Variants in PSMA3 observed in about 807,000 individuals in gnomAD.
PSMA3 encodes proteasome 20S subunit alpha 3, also known as proteasome subunit alpha type-3.
Under a neutral mutation model 40.0 loss-of-function variants are expected in PSMA3, and 8 were observed. The ratio of observed to expected loss-of-function variants is 0.20; its 90% confidence interval spans 0.12 to 0.36. The LOEUF (loss-of-function observed/expected upper bound fraction) is 0.36, where lower values mean the gene tolerates loss of function less well. PSMA3 is among the 10% of genes least tolerant of loss of function. The probability of loss-of-function intolerance (pLI) is 1.00; values close to 1 mark genes in which losing one functional copy is unlikely to be tolerated. For synonymous variants in PSMA3, 110 were observed against 100.0 expected, an observed-to-expected ratio of 1.10 and a Z score of -0.59; for missense variants, 219 against 310.6, an observed-to-expected ratio of 0.70 and a Z score of 2.22.
chr14:58,259,462 C>T (rs1890221025), intron 5 of PSMA3, among the ~76,000 whole-genome samples: 1 of 152,084 alleles, frequency 6.6e-6, no homozygotes. Flanking sequence ...TTACAAGCAC[C>T]TGCCACCACG....
intron 1 of PSMA3, among the ~76,000 whole-genome samples, chr14:58,247,424 G>A (rs577565455): frequency 2.0e-5 from 3 of 152,264 alleles, no homozygotes; most frequent in East Asian, 3.9e-4. Flanking sequence ...CAGAGTTATC[G>A]TTACAAATTT....
intron 5 of PSMA3, among the ~76,000 whole-genome samples, chr14:58,259,716 GACA>G (rs1213411118): frequency 6.6e-6 from 1 of 152,200 alleles, no homozygotes; most frequent in Non-Finnish European, 1.5e-5. Context: ...ATGATAAAGG[GACA>G]ACAATTAGGG....
intron 10 of PSMA3, 29 bp from the exon 11 acceptor site, chr14:58,271,822 A>T: frequency 6.4e-7 from 1 of 1,564,090 alleles, no homozygotes; most frequent in Non-Finnish European, 8.8e-7. Flanking sequence ...TTTAAAAATC[A>T]ATTTTAAACA....
intron 3 of PSMA3, among the ~76,000 whole-genome samples, chr14:58,256,615 T>C (rs991992941): frequency 1.3e-5 from 2 of 151,446 alleles, no homozygotes; most frequent in Non-Finnish European, 2.9e-5. Flanking sequence ...CATTTCACCA[T>C]CTTGGCCAGG....
intron 5 of PSMA3, among the ~76,000 whole-genome samples, chr14:58,259,507 G>A (rs1219441469): frequency 1.3e-5 from 2 of 152,078 alleles, no homozygotes; most frequent in African/African-American, 2.4e-5. Flanking sequence ...TACAGTCAGG[G>A]TTTCGCCATG....
At chr14:58,247,878 A>T in intron 2 of PSMA3, 46 bp downstream of exon 2, 1 of 1,372,708 alleles carries the variant, frequency 7.3e-7, no homozygotes, top group East Asian at 2.3e-5. Context: ...TTTATTTTAT[A>T]TATTTTTGGC....
At chr14:58,263,406 A>G (rs999794805) in intron 6 of PSMA3, 2 of 200,808 alleles carry the variant, frequency 1.0e-5, no homozygotes, top group African/African-American at 4.6e-5. Context: ...TTTCATTGTC[A>G]TAGTGCTAAA....
rs1235150227 is a variant in PSMA3, at chr14:58,244,878, C to T, written c.-43C>T. On this transcript the variant is annotated 5_prime_UTR_variant, in exon 1 of 11. Coordinates refer to ENST00000216455, the MANE Select transcript of PSMA3 (RefSeq NM_002788.4). Reference sequence around the variant, plus strand: ...GGCATCCTGTGGTATAGGGGAAGCGCTCCGGGCCTGGAATCCCTACGCGTC... The same window carrying T: ...GGCATCCTGTGGTATAGGGGAAGCGTTCCGGGCCTGGAATCCCTACGCGTC... 3 of 1,614,070 alleles carry T rather than the reference C, an allele frequency of 1.9e-6. No individual in the cohort carries two copies. The African/African-American group carries it at 4.0e-5, about 22-fold the overall frequency.
chr14:58,256,807 G>C lies in PSMA3; in HGVS notation c.229-938G>C, dbSNP rs754413444. On this transcript the variant is annotated intron_variant, in intron 3 of 10. Transcript: ENST00000216455. ...TTTTTGGATTAGATATCCTCAACCTGTAATAACTTTAGAGAAAAGAACAAA... is the reference window on the plus strand; with the variant it reads ...TTTTTGGATTAGATATCCTCAACCTCTAATAACTTTAGAGAAAAGAACAAA... 1.1e-4 allele frequency among the ~76,000 whole-genome samples: 16 copies of C among 152,102 alleles called. No individual in the cohort carries two copies. The South Asian group carries it at 1.2e-3, about 12-fold the overall frequency.
At chr14:58,265,379 T>A (rs1417847917) in intron 7 of PSMA3, 1 of 152,038 alleles carries the variant, frequency 6.6e-6, no homozygotes, top group East Asian at 1.9e-4. Context: ...GAAAAAAAAA[T>A]CACTTTAATT....
chr14:58,256,136 G>A (rs1160800389), intron 3 of PSMA3, among the ~76,000 whole-genome samples: 3 of 151,782 alleles, frequency 2.0e-5, no homozygotes, highest in Non-Finnish European at 4.4e-5. Context: ...TCACAGGCAT[G>A]AGCCACCGTG....
intron 3 of PSMA3, among the ~76,000 whole-genome samples, chr14:58,255,810 A>C (rs990861802): frequency 6.6e-5 from 10 of 152,220 alleles, no homozygotes; most frequent in African/African-American, 2.4e-4. Flanking sequence ...ATTTCACTGC[A>C]GTGCCTGAGG....
chr14:58,266,024 G>A (rs1055095146), intron 7 of PSMA3: 2 of 152,102 alleles, frequency 1.3e-5, no homozygotes, highest in Non-Finnish European at 2.9e-5. Context: ...TAATCAAACT[G>A]CCTAAGCAGT....
chr14:58,247,865 C>A (rs748589141), intron 2 of PSMA3, 33 bp downstream of exon 2: 2 of 1,428,038 alleles, frequency 1.4e-6, no homozygotes, highest in Non-Finnish European at 1.9e-6. Context: ...TTACATGTCT[C>A]CTTTTATTTT....
chr14:58,245,028 C>T lies in PSMA3; in HGVS notation c.21+87C>T. ...GACAGACCACATGGGGTTCGCGGAC[C>T]CGGGGTGCTCTGAGACCGCCTTCGG... On this transcript the variant is annotated intron_variant, in intron 1 of 10. Transcript: ENST00000216455. 2.5e-6 allele frequency: 4 copies of T among 1,581,636 alleles called. No homozygotes were observed. In the South Asian group the frequency reaches 4.4e-5, roughly 17 times the overall value.
chr14:58,255,425 G>C (rs183669826), intron 3 of PSMA3, among the ~76,000 whole-genome samples: 17 of 152,210 alleles, frequency 1.1e-4, no homozygotes, highest in African/African-American at 3.9e-4. Flanking sequence ...GTAGTAAAAC[G>C]ATCTAATGTT....
chr14:58,267,663 G>A, intron 8 of PSMA3, 143 bp downstream of exon 8: 1 of 1,243,424 alleles, frequency 8.0e-7, no homozygotes, highest in Non-Finnish European at 1.0e-6. Context: ...ATTCTAAGAA[G>A]CCTCACGAAG....
At position 58,261,035 on chromosome 14, in the gene PSMA3, A is replaced by G; in HGVS notation, c.477+15A>G. On this transcript the variant is annotated intron_variant, in intron 6 of 10. Coordinates refer to ENST00000216455, the MANE Select transcript of PSMA3 (RefSeq NM_002788.4). ...GTGTTTCATACGTGAGTAATTTTGA[A>G]TCATTTGAAATTCTATTTTAGTTTA... 1 of 1,548,176 alleles carries G rather than the reference A, an allele frequency of 6.5e-7. No individual in the cohort carries two copies. Among genetic ancestry groups the G allele is most frequent in the Non-Finnish European group, 8.9e-7 (1 of 1,121,988 alleles).
intron 7 of PSMA3, chr14:58,265,329 C>G (rs1047322216): frequency 7.2e-5 from 11 of 151,914 alleles, no homozygotes; most frequent in African/African-American, 2.7e-4. Context: ...TAAATCCTAG[C>G]AAGGAATGGG....
Sources: gnomAD v4.1 joint callset for allele counts (sites outside exome capture counted in the v4.1 genomes callset) on GRCh38, gnomAD v4.1.1 for gene constraint, MANE v1.5 for transcripts, NCBI Gene and HGNC (gene_info 2026-07-23, HGNC 2026-07-21) for gene names.